The following EFCAB5 variants were observed in gnomAD, a reference collection of about 807,000 sequenced individuals.
EFCAB5 encodes EF-hand calcium-binding domain-containing protein 5.
In EFCAB5, 131 loss-of-function variants were observed where a neutral mutation model predicts 167.9. That is an observed-to-expected ratio of 0.78 (90% CI 0.68 to 0.90). The LOEUF (loss-of-function observed/expected upper bound fraction) is 0.90. EFCAB5 is among the 40% of genes least tolerant of loss of function. The probability of loss-of-function intolerance (pLI) is 0.00; values close to 1 mark genes in which losing one functional copy is unlikely to be tolerated. For missense variants in EFCAB5, 1,663 were observed against 1,745.2 expected, an observed-to-expected ratio of 0.95 and a Z score of 0.84; for synonymous variants, 574 against 602.8, an observed-to-expected ratio of 0.95 and a Z score of 0.70.
At chr17:30,092,388 A>G (rs1216361850) in intron 21 of EFCAB5, among the ~76,000 whole-genome samples, 1 of 152,036 alleles carries the variant, frequency 6.6e-6, no homozygotes, top group Non-Finnish European at 1.5e-5. Flanking sequence ...CCCAAGGGTA[A>G]CCATCATCTT....
intron 22 of EFCAB5, among the ~76,000 whole-genome samples, chr17:30,096,652 C>CATATATATATATATAT (rs200424980): frequency 5.3e-5 from 5 of 93,584 alleles, no homozygotes; most frequent in African/African-American, 1.8e-4. Context: ...ATCCTGAAAG[C>CATATATATATATATAT]ATATATATAT....
At chr17:30,012,958 A>T (rs2068942745) in intron 7 of EFCAB5, among the ~76,000 whole-genome samples, 1 of 152,120 alleles carries the variant, frequency 6.6e-6, no homozygotes, top group Non-Finnish European at 1.5e-5. Flanking sequence ...AATAGCTCTT[A>T]TTATTTTGAG....
chr17:29,996,486 C>G lies in EFCAB5; in HGVS notation c.973+126C>G, dbSNP rs1305375952. ...AAACTCTTGCAGGGGCAATTAGGCTCTTCCATGCTGTCCAGATACAGAATG... is the reference window on the plus strand; with the variant it reads ...AAACTCTTGCAGGGGCAATTAGGCTGTTCCATGCTGTCCAGATACAGAATG... On this transcript the variant is annotated intron_variant, in intron 6 of 22. Transcript: ENST00000394835. 4.2e-6 allele frequency: 3 copies of G among 711,456 alleles called. No individual in the cohort carries two copies. The African/African-American group carries it at 5.4e-5, about 13-fold the overall frequency. 44.1% of individuals were successfully genotyped at this position (711,456 alleles called of 1,614,324 possible). A position where few individuals can be genotyped will look rare whatever the true frequency, so the allele number is the denominator to read the frequency against.
chr17:30,086,128 T>C (rs1321152333), intron 18 of EFCAB5, among the ~76,000 whole-genome samples: 1 of 152,098 alleles, frequency 6.6e-6, no homozygotes, highest in Non-Finnish European at 1.5e-5. Context: ...CCGGGGTAGC[T>C]AAGACTACAG....
chr17:30,001,641 T>G (rs761733340), intron 7 of EFCAB5, among the ~76,000 whole-genome samples: 1 of 152,198 alleles, frequency 6.6e-6, no homozygotes, highest in African/African-American at 2.4e-5. Flanking sequence ...TTTTATGATA[T>G]GTGAATTATG....
At chr17:30,074,632 C>A (rs1241002129) in intron 14 of EFCAB5, 1 of 152,124 alleles carries the variant, frequency 6.6e-6, no homozygotes, top group African/African-American at 2.4e-5. Context: ...TTAAGTAAAT[C>A]TTCTGGTGAA....
chr17:30,015,759 C>CTTTTTTTTTTTTTTTTTTTT (rs71138866), intron 7 of EFCAB5, among the ~76,000 whole-genome samples: 2 of 130,568 alleles, frequency 1.5e-5, no homozygotes, highest in Non-Finnish European at 1.6e-5. Context: ...TTGGTTATTT[C>CTTTTTTTTTTTTTTTTTTTT]TTTTTTTTTT....
Position 30,078,413 on chromosome 17 carries a change from G to C in EFCAB5, c.2936G>C (p.Arg979Pro), listed in dbSNP as rs118026417. The C allele has an allele frequency of 1.9e-6, 3 of 1,613,924 alleles. No homozygotes were observed. The Admixed American group carries it at 5.0e-5, about 27-fold the overall frequency. ...HIESLRNSAR[R>P]KWLHQIQCAA... Reference sequence around the variant, plus strand: ...GAGAGTCTGAGGAATTCTGCCAGGCGGAAATGGCTGCACCAAATCCAATGT... The same window carrying C: ...GAGAGTCTGAGGAATTCTGCCAGGCCGAAATGGCTGCACCAAATCCAATGT... Residue 979 changes from arginine (R) to proline (P), a missense_variant, in exon 15 of 23, where the codon CGG (arginine) becomes CCG (proline). Transcript: ENST00000394835.
chr17:29,960,840 A>G (rs1003149810), intron 3 of EFCAB5, among the ~76,000 whole-genome samples: 2 of 152,124 alleles, frequency 1.3e-5, no homozygotes, highest in Middle Eastern at 3.2e-3. Context: ...AAAAAATTAA[A>G]CTATATTACT....
chr17:29,966,056 G>A (rs150038915), intron 3 of EFCAB5, among the ~76,000 whole-genome samples: 9 of 151,802 alleles, frequency 5.9e-5, no homozygotes, highest in Admixed American at 2.0e-4. Flanking sequence ...TAAAAAAATC[G>A]TGGTAAATAC....
At chr17:30,055,750 G>C in intron 10 of EFCAB5, 138 bp from the exon 11 acceptor site, 1 of 808,586 alleles carries the variant, frequency 1.2e-6, no homozygotes, top group South Asian at 1.9e-5. Context: ...GTGGTCGATT[G>C]CAACACTGCA....
upstream of EFCAB5, among the ~76,000 whole-genome samples, chr17:29,940,961 AC>A (rs1210994204): frequency 1.3e-5 from 2 of 151,866 alleles, no homozygotes; most frequent in Admixed American, 1.3e-4. Flanking sequence ...AATCACTTGA[AC>A]CCAGGAGGCG....
intron 14 of EFCAB5, among the ~76,000 whole-genome samples, chr17:30,063,843 G>C (rs76800795): frequency 6.6e-6 from 1 of 152,086 alleles, no homozygotes; most frequent in Non-Finnish European, 1.5e-5. Flanking sequence ...AACATATGCC[G>C]CTGCTGCTGC....
chr17:30,080,192 G>T lies in EFCAB5; in HGVS notation c.3148G>T (p.Ala1050Ser), dbSNP rs1319421913. 6.2e-7 allele frequency: 1 copy of T among 1,613,464 alleles called. No homozygotes were observed. Among genetic ancestry groups the T allele is most frequent in the Admixed American group, 1.7e-5 (1 of 59,924 alleles). Residue 1050 changes from alanine (A) to serine (S), a missense_variant, in exon 16 of 23, where the codon GCT (alanine) becomes TCT (serine). By Grantham distance (99) the Ala-to-Ser change is moderately conservative (BLOSUM62 1). Transcript: ENST00000394835. ...GAATGTGGCTTGTACCTTAGATGAT[G>T]CTCAATTTGTACTGAACAGAGTGCT... is the stretch of plus-strand genomic sequence containing the variant. ...LRNVACTLDDAQFVLNRVLYR... is the reference protein window; with the variant it reads ...LRNVACTLDDSQFVLNRVLYR...
intron 3 of EFCAB5, among the ~76,000 whole-genome samples, chr17:29,945,530 A>G (rs961222727): frequency 5.9e-5 from 9 of 152,090 alleles, no homozygotes; most frequent in African/African-American, 2.2e-4. Context: ...TGGGCAACAC[A>G]GCAAGACCCA....
chr17:29,997,963 C>T (rs1214759516), intron 6 of EFCAB5, among the ~76,000 whole-genome samples: 1 of 151,730 alleles, frequency 6.6e-6, no homozygotes, highest in Non-Finnish European at 1.5e-5. Context: ...TCACTTGTCC[C>T]ATAGGAACTA....
intron 7 of EFCAB5, among the ~76,000 whole-genome samples, chr17:30,019,728 G>A (rs2069130474): frequency 6.6e-6 from 1 of 152,064 alleles, no homozygotes; most frequent in Non-Finnish European, 1.5e-5. Flanking sequence ...TTACAGGCGT[G>A]AGCCACCGTG....
At chr17:30,107,751 T>C in intron 22 of EFCAB5, 83 bp from the exon 23 acceptor site, 1 of 1,192,640 alleles carries the variant, frequency 8.4e-7, no homozygotes, top group Non-Finnish European at 1.1e-6. Context: ...TAATGAACTT[T>C]AATCATAATA....
At chr17:30,027,047 C>T (rs1454771053) in intron 7 of EFCAB5, among the ~76,000 whole-genome samples, 2 of 124,418 alleles carry the variant, frequency 1.6e-5, no homozygotes, top group African/African-American at 6.1e-5. Context: ...AGTGCAGTGG[C>T]GCAATCTCAG....
Sources: gnomAD v4.1 joint callset for allele counts (sites outside exome capture counted in the v4.1 genomes callset) on GRCh38, gnomAD v4.1.1 for gene constraint, MANE v1.5 for transcripts, NCBI Gene and HGNC (gene_info 2026-07-23, HGNC 2026-07-21) for gene names.